COL4A4: variants seen among roughly 807,000 people sequenced by gnomAD.
COL4A4 encodes collagen alpha-4(IV) chain.
In COL4A4, 105 loss-of-function variants were observed where a neutral mutation model predicts 192.9. The ratio of observed to expected loss-of-function variants is 0.54; its 90% CI spans 0.46 to 0.64. The LOEUF is 0.64. COL4A4 is among the 30% of genes least tolerant of loss of function. The pLI is 0.00. For synonymous variants in COL4A4, 762 were observed against 769.9 expected (o/e 0.99, Z 0.17); for missense variants, 1,967 against 2,169.3 (o/e 0.91, Z 1.85).
chr2:227,023,458 A>G (rs1966413514), intron 43 of COL4A4, among the ~76,000 whole-genome samples: 1 of 144,406 alleles, frequency 6.9e-6, no homozygotes, highest in Non-Finnish European at 1.5e-5. Context: ...AAAAAAAAGA[A>G]AAAAGAAAAC....
intron 4 of COL4A4, among the ~76,000 whole-genome samples, chr2:227,129,704 T>G (rs2062313339): frequency 6.6e-6 from 1 of 152,198 alleles, no homozygotes; most frequent in African/African-American, 2.4e-5. Flanking sequence ...CCACTGCGCC[T>G]GGCCTCTGGT....
Position 227,078,083 on chromosome 2 carries a change from A to C in COL4A4, c.1804-6T>G. The C allele has an allele frequency of 6.2e-7, 1 of 1,613,840 alleles. No homozygotes were observed. The highest frequency in any genetic ancestry group is 8.5e-7 in the Non-Finnish European group (1 of 1,179,924). ...GTCGCATCTTCATGATCCCCCTGGG[A>C]ATGTTATGTCATGAGTCAATTACCA... On this transcript the variant is annotated splice_region_variant and splice_polypyrimidine_tract_variant and intron_variant, in intron 24 of 47. Transcript: ENST00000396625.
rs201821502 is a variant in COL4A4 at position 227,067,252 on chromosome 2, C to A, written c.1988-4654G>T. Reference sequence around the variant, plus strand: ...GTGACCTACAAAGAGACTTAGACTCCCACACATTAATAATGGGAGACTTTA... The same window carrying A: ...GTGACCTACAAAGAGACTTAGACTCACACACATTAATAATGGGAGACTTTA... On this transcript the variant is annotated intron_variant, in intron 25 of 47. Transcript: ENST00000396625. Among the ~76,000 whole-genome samples, 1,525 of 151,982 alleles carry A rather than the reference C, an allele frequency of 0.01. 53 individuals carry two copies. The East Asian group carries it at 0.1, about 10-fold the overall frequency.
At chr2:227,140,894 CACA>C (rs2063159668) in intron 3 of COL4A4, among the ~76,000 whole-genome samples, 1 of 150,862 alleles carries the variant, frequency 6.6e-6, no homozygotes, top group African/African-American at 2.5e-5. Context: ...CACACACACA[CACA>C]CACACACACA....
chr2:227,025,346 C>T (rs1412664381), intron 43 of COL4A4, among the ~76,000 whole-genome samples: 1 of 152,178 alleles, frequency 6.6e-6, no homozygotes, highest in African/African-American at 2.4e-5. Flanking sequence ...GAAATGTGCT[C>T]CTTGAAAATG....
At chr2:227,135,211 C>A (rs1348106475) in intron 4 of COL4A4, among the ~76,000 whole-genome samples, 1 of 151,116 alleles carries the variant, frequency 6.6e-6, no homozygotes, top group Non-Finnish European at 1.5e-5. Context: ...TATCACAGAA[C>A]CATGGGCTGC....
At chr2:226,971,652 A>G in the COL4A4 span, among the ~76,000 whole-genome samples, 1 of 152,214 alleles carries the variant, frequency 6.6e-6, no homozygotes, top group Non-Finnish European at 1.5e-5. Context: ...TGTGGCTACT[A>G]ACATTCAAAT....
At chr2:227,101,578 G>A in intron 16 of COL4A4, 21 bp from the exon 17 acceptor site, 2 of 1,541,354 alleles carry the variant, frequency 1.3e-6, no homozygotes, top group East Asian at 2.3e-5. Context: ...GCACAAACAT[G>A]CCTTAAAAAA....
At chr2:227,135,341 C>G (rs557409516) in intron 4 of COL4A4, among the ~76,000 whole-genome samples, 1 of 152,256 alleles carries the variant, frequency 6.6e-6, no homozygotes, top group African/African-American at 2.4e-5. Flanking sequence ...GCCTGGAGCT[C>G]TTAGGGTGCC....
chr2:227,029,589 C>A (rs1412718541), intron 41 of COL4A4, among the ~76,000 whole-genome samples: 1 of 152,160 alleles, frequency 6.6e-6, no homozygotes, highest in Non-Finnish European at 1.5e-5. Flanking sequence ...CGTTACTGGG[C>A]TCTTTTTGCA....
intron 16 of COL4A4, 101 bp from the exon 17 acceptor site, chr2:227,101,658 T>G (rs1371436000): frequency 2.4e-6 from 3 of 1,238,486 alleles, no homozygotes; most frequent in Non-Finnish European, 3.5e-6. Context: ...ACTGAGACCA[T>G]GCAAAGTCTT....
chr2:227,082,822 T>C (rs1171230133), intron 22 of COL4A4, among the ~76,000 whole-genome samples: 4 of 152,252 alleles, frequency 2.6e-5, no homozygotes, highest in Admixed American at 6.5e-5. Flanking sequence ...GGTAAATAGC[T>C]AATTTTGGCT....
At chr2:227,119,632 G>A (rs1292904643) in intron 6 of COL4A4, among the ~76,000 whole-genome samples, 4 of 148,062 alleles carry the variant, frequency 2.7e-5, no homozygotes, top group Admixed American at 6.8e-5. Context: ...AGCAAAAACC[G>A]CAATTACTTT....
chr2:227,066,730 A>C (rs1262239751), intron 25 of COL4A4, among the ~76,000 whole-genome samples: 3 of 151,394 alleles, frequency 2.0e-5, no homozygotes, highest in Non-Finnish European at 3.0e-5. Flanking sequence ...TAAACATGGA[A>C]AGGAACAACC....
the COL4A4 span, among the ~76,000 whole-genome samples, chr2:226,967,678 T>G: frequency 1.3e-5 from 2 of 152,096 alleles, no homozygotes; most frequent in Non-Finnish European, 2.9e-5. Flanking sequence ...GTCTGTAGCT[T>G]GATAAATTTT....
intron 37 of COL4A4, 126 bp downstream of exon 37, chr2:227,042,022 T>A (rs1364928985): frequency 1.3e-6 from 1 of 756,554 alleles, no homozygotes; most frequent in Non-Finnish European, 2.4e-6. Flanking sequence ...AAGATGCTAA[T>A]GGCACCTACG....
intron 22 of COL4A4, among the ~76,000 whole-genome samples, chr2:227,087,379 C>A (rs530048876): frequency 6.6e-6 from 1 of 152,320 alleles, no homozygotes; most frequent in South Asian, 2.1e-4. Flanking sequence ...GCATCTCAAA[C>A]TTGAAATGTC....
chr2:227,006,370 CT>C lies in COL4A4; in HGVS notation c.*954del, dbSNP rs1962099727. ...GAGATGCTTTGTATGAAGCGCGTGC[CT>C]GCCTGAGTGAGCCCCATGTAGCGTC... On this transcript the variant is annotated 3_prime_UTR_variant, in exon 48 of 48. Coordinates refer to ENST00000396625, the MANE Select transcript of COL4A4 (RefSeq NM_000092.5). 6.6e-6 allele frequency: 1 copy of C among 152,642 alleles called. No homozygotes were observed. Among genetic ancestry groups the C allele is most frequent in the Non-Finnish European group, 1.5e-5 (1 of 68,076 alleles). 9.5% of individuals were successfully genotyped at this position (152,642 alleles called of 1,614,324 possible).
At chr2:227,074,519 T>A (rs918883229) in intron 25 of COL4A4, among the ~76,000 whole-genome samples, 1 of 151,948 alleles carries the variant, frequency 6.6e-6, no homozygotes, top group Non-Finnish European at 1.5e-5. Flanking sequence ...TAAAAGTAGA[T>A]CCACCATGCG....
Sources: gnomAD v4.1 joint callset for allele counts (sites outside exome capture counted in the v4.1 genomes callset) on GRCh38, gnomAD v4.1.1 for gene constraint, MANE v1.5 for transcripts, NCBI Gene and HGNC (gene_info 2026-07-23, HGNC 2026-07-21) for gene names.